SH3RF3: variants seen among roughly 807,000 people sequenced by gnomAD.
SH3RF3 encodes the protein E3 ubiquitin-protein ligase SH3RF3.
In SH3RF3, 29 loss-of-function variants were observed where a neutral mutation model predicts 66.3. That is an observed-to-expected ratio of 0.44 (90% confidence interval 0.33 to 0.60). The LOEUF (loss-of-function observed/expected upper bound fraction) is 0.60, where lower values mean the gene tolerates loss of function less well. Among genes scored for constraint, SH3RF3 ranks in the 20% least tolerant of loss-of-function variants. The probability of loss-of-function intolerance (pLI) is 0.04; values close to 1 mark genes in which losing one functional copy is unlikely to be tolerated. For missense variants in SH3RF3, 1,194 were observed against 1,190.9 expected, an observed-to-expected ratio of 1.00 and a Z score of -0.04; for synonymous variants, 583 against 532.0, an observed-to-expected ratio of 1.10 and a Z score of -1.32.
intron 8 of SH3RF3, among the ~76,000 whole-genome samples, chr2:109,487,193 C>T (rs1679002976): frequency 6.6e-6 from 1 of 152,216 alleles, no homozygotes; most frequent in Non-Finnish European, 1.5e-5. Context: ...TTAACATAAT[C>T]TTTCAGCCCA....
intron 3 of SH3RF3, among the ~76,000 whole-genome samples, chr2:109,384,404 C>CCTT (rs1422601731): frequency 6.6e-6 from 1 of 152,010 alleles, no homozygotes; most frequent in Non-Finnish European, 1.5e-5. Flanking sequence ...GGGAAAGCGG[C>CCTT]CTTCGGGGAG....
rs183173062 is a variant in SH3RF3, at chr2:109,438,063, A to C, written c.1828+917A>C. 5.3e-5 allele frequency among the ~76,000 whole-genome samples: 8 copies of C among 152,368 alleles called. No homozygotes were observed. The East Asian group carries it at 1.4e-3, about 26-fold the overall frequency. ...ATAATGTAAATTCATGGAAGCAATAAAATATACTATTTCTTAGACTAACGA... is the reference window on the plus strand; with the variant it reads ...ATAATGTAAATTCATGGAAGCAATACAATATACTATTTCTTAGACTAACGA... On this transcript the variant is annotated intron_variant, in intron 7 of 9. Coordinates refer to ENST00000309415, the MANE Select transcript of SH3RF3 (RefSeq NM_001099289.3).
chr2:109,363,202 TC>T (rs1383363091), intron 2 of SH3RF3, among the ~76,000 whole-genome samples: 12 of 152,138 alleles, frequency 7.9e-5, no homozygotes, highest in African/African-American at 2.9e-4. Flanking sequence ...TTCTATTTTC[TC>T]TCCTTTATTA....
At chr2:109,162,963 C>T (rs866238910) in intron 1 of SH3RF3, among the ~76,000 whole-genome samples, 1 of 152,180 alleles carries the variant, frequency 6.6e-6, no homozygotes, top group Admixed American at 6.5e-5. Flanking sequence ...TGTCACCTCT[C>T]CAAGGGATTT....
chr2:109,231,394 C>T (rs1198915891), intron 1 of SH3RF3, among the ~76,000 whole-genome samples: 1 of 152,232 alleles, frequency 6.6e-6, no homozygotes, highest in Non-Finnish European at 1.5e-5. Context: ...TTCATGTTGG[C>T]AGCCTTAGAT....
intron 1 of SH3RF3, chr2:109,313,596 G>A (rs556070091): frequency 1.1e-3 from 174 of 155,090 alleles, no homozygotes; most frequent in Non-Finnish European, 1.8e-3. Context: ...AGGCCTCCTA[G>A]CCTTGAGTAG....
intron 8 of SH3RF3, among the ~76,000 whole-genome samples, chr2:109,485,859 A>G (rs1678956036): frequency 2.0e-5 from 3 of 152,252 alleles, no homozygotes; most frequent in African/African-American, 7.2e-5. Flanking sequence ...GGGCTGCAGC[A>G]CAGCCTCATC....
chr2:109,437,686 C>T (rs1677443099), intron 7 of SH3RF3, among the ~76,000 whole-genome samples: 1 of 151,058 alleles, frequency 6.6e-6, no homozygotes, highest in African/African-American at 2.4e-5. Flanking sequence ...GGAATGACAG[C>T]TGTTGATCCT....
At chr2:109,316,288 GGCTGGGTGGAT>G (rs1368334790) in intron 1 of SH3RF3, among the ~76,000 whole-genome samples, 1 of 152,198 alleles carries the variant, frequency 6.6e-6, no homozygotes, top group African/African-American at 2.4e-5. Context: ...CGGTCCAGGA[GGCTGGGTGGAT>G]GCTGGGAAGG....
intron 3 of SH3RF3, among the ~76,000 whole-genome samples, chr2:109,379,398 C>T (rs926245399): frequency 7.2e-5 from 11 of 152,156 alleles, no homozygotes; most frequent in African/African-American, 1.9e-4. Flanking sequence ...CGCCAAAGCC[C>T]GTCCCGTGGT....
chr2:109,286,620 C>T (rs1257183458), intron 1 of SH3RF3, among the ~76,000 whole-genome samples: 3 of 152,202 alleles, frequency 2.0e-5, no homozygotes, highest in African/African-American at 7.2e-5. Context: ...GGAGCTTCCA[C>T]ACCCATGATT....
intron 5 of SH3RF3, among the ~76,000 whole-genome samples, chr2:109,420,485 T>A (rs1384950861): frequency 6.6e-6 from 1 of 152,126 alleles, no homozygotes; most frequent in Non-Finnish European, 1.5e-5. Flanking sequence ...TTGCTCTGTC[T>A]CCCAGGCTGG....
chr2:109,199,654 G>C (rs867815035), intron 1 of SH3RF3, among the ~76,000 whole-genome samples: 1 of 6 alleles, frequency 0.17, no homozygotes, highest in Non-Finnish European at 0.25. Context: ...GAATGGAATG[G>C]AATGGAATGG....
At chr2:109,210,111 C>T (rs1284302858) in intron 1 of SH3RF3, among the ~76,000 whole-genome samples, 2 of 152,202 alleles carry the variant, frequency 1.3e-5, no homozygotes, top group African/African-American at 4.8e-5. Context: ...CAGGATTCAT[C>T]GACATAGCCG....
At chr2:109,306,920 G>T (rs566146458) in intron 1 of SH3RF3, among the ~76,000 whole-genome samples, 1 of 152,234 alleles carries the variant, frequency 6.6e-6, no homozygotes, top group Non-Finnish European at 1.5e-5. Flanking sequence ...ATGCATGCCC[G>T]TGTGGATGGC....
chr2:109,382,086 A>T (rs1675699630), intron 3 of SH3RF3, among the ~76,000 whole-genome samples: 1 of 152,122 alleles, frequency 6.6e-6, no homozygotes. Context: ...GGGTGTTTGT[A>T]AGGGCTGTCC....
At chr2:109,338,718 C>T (rs561625968) in intron 1 of SH3RF3, among the ~76,000 whole-genome samples, 3 of 152,230 alleles carry the variant, frequency 2.0e-5, no homozygotes, top group Admixed American at 1.3e-4. Context: ...CCACCACGCC[C>T]GACTAATTTG....
intron 8 of SH3RF3, among the ~76,000 whole-genome samples, chr2:109,454,603 A>G (rs1677986437): frequency 6.6e-6 from 1 of 152,178 alleles, no homozygotes; most frequent in African/African-American, 2.4e-5. Flanking sequence ...CATGAGTTCC[A>G]CAGCAGCATT....
chr2:109,447,979 C>A (rs557228927), intron 7 of SH3RF3, among the ~76,000 whole-genome samples: 1 of 152,118 alleles, frequency 6.6e-6, no homozygotes, highest in Non-Finnish European at 1.5e-5. Context: ...GGGTGGTGGG[C>A]GGCTTCTCCT....
Sources: allele counts gnomAD v4.1 joint callset (sites outside exome capture counted in the v4.1 genomes callset), GRCh38; gene constraint gnomAD v4.1.1; transcripts MANE v1.5; gene names NCBI Gene and HGNC (gene_info 2026-07-23, HGNC 2026-07-21).